Variants in CFTR observed in about 807,000 individuals in gnomAD.
CFTR encodes CF transmembrane conductance regulator.
A neutral mutation model predicts 171.6 loss-of-function variants in CFTR; 181 were observed. The ratio of observed to expected loss-of-function variants is 1.05; its 90% confidence interval spans 0.93 to 1.19. The LOEUF is 1.19. CFTR is among the 50% of genes most tolerant of loss of function. The pLI, the probability that CFTR is intolerant of heterozygous loss-of-function variation, is 0.00. For synonymous variants in CFTR, 583 were observed against 608.0 expected (o/e 0.96, Z 0.60); for missense variants, 1,968 against 1,734.7 (o/e 1.13, Z -2.39).
chr7:117,518,496 G>C (rs763742087), intron 3 of CFTR, among the ~76,000 whole-genome samples: 7 of 146,656 alleles, frequency 4.8e-5, no homozygotes, highest in Admixed American at 2.1e-4. Flanking sequence ...TAAATATATA[G>C]AGCAATAATA....
chr7:117,580,431 A>G (rs1791833104), intron 11 of CFTR, among the ~76,000 whole-genome samples: 1 of 152,072 alleles, frequency 6.6e-6, no homozygotes. Context: ...GCTAATATAA[A>G]TATAATTCTT....
chr7:117,590,736 T>C (rs1222432037), intron 13 of CFTR, among the ~76,000 whole-genome samples: 1 of 152,104 alleles, frequency 6.6e-6, no homozygotes, highest in Non-Finnish European at 1.5e-5. Context: ...TGATATATAT[T>C]ACTTTAATTA....
intron 3 of CFTR, among the ~76,000 whole-genome samples, chr7:117,510,454 G>T (rs570781033): frequency 6.6e-6 from 1 of 152,172 alleles, no homozygotes; most frequent in South Asian, 2.1e-4. Context: ...ATAAGTGATT[G>T]TTGGATTGAA....
Position 117,592,383 on chromosome 7 carries a change from T to G in CFTR, c.2216T>G (p.Val739Gly). The change falls in exon 14 of 27, where the codon GTA becomes GGA. Residue 739 changes from valine to glycine, a missense_variant. Coordinates refer to ENST00000003084, the MANE Select transcript of CFTR (RefSeq NM_000492.4). Reference protein sequence around the residue: ...DEPLERRLSLVPDSEQGEAIL... With the variant: ...DEPLERRLSLGPDSEQGEAIL... ...CCTTTAGAGAGAAGGCTGTCCTTAG[T>G]ACCAGATTCTGAGCAGGGAGAGGCG... 6.2e-7 allele frequency: 1 copy of G among 1,614,144 alleles called. No individual in the cohort carries two copies. Among genetic ancestry groups the G allele is most frequent in the Non-Finnish European group, 8.5e-7 (1 of 1,179,996 alleles).
chr7:117,504,928 A>AT (rs2116636027), intron 2 of CFTR, among the ~76,000 whole-genome samples: 1 of 152,290 alleles, frequency 6.6e-6, no homozygotes, highest in African/African-American at 2.4e-5. Context: ...CATGAGATGG[A>AT]TTTTGTGAAA....
At chr7:117,565,271 T>A (rs936499782) in intron 11 of CFTR, among the ~76,000 whole-genome samples, 2 of 152,204 alleles carry the variant, frequency 1.3e-5, no homozygotes, top group African/African-American at 4.8e-5. Flanking sequence ...AATTTACTTA[T>A]CCCTTATGAG....
intron 25 of CFTR, 31 bp downstream of exon 25, chr7:117,664,891 C>T: frequency 6.2e-7 from 1 of 1,605,054 alleles, no homozygotes; most frequent in Non-Finnish European, 8.5e-7. Flanking sequence ...TACTTAATAG[C>T]ACAGTGGGAA....
chr7:117,509,987 G>A (rs535907638), intron 3 of CFTR, among the ~76,000 whole-genome samples: 13 of 152,088 alleles, frequency 8.5e-5, no homozygotes, highest in Non-Finnish European at 1.2e-4. Flanking sequence ...AATGCCATTT[G>A]TGTTACATTG....
intron 3 of CFTR, among the ~76,000 whole-genome samples, chr7:117,516,879 G>C (rs1490072209): frequency 6.6e-6 from 1 of 152,048 alleles, no homozygotes; most frequent in Non-Finnish European, 1.5e-5. Context: ...TTTTGGGTAG[G>C]TTACTTAAAT....
rs78194216 is a variant in CFTR at position 117,611,637 on chromosome 7, C to T, written c.3196C>T (p.Arg1066Cys). The change falls in exon 20 of 27, where the codon CGT (arginine) becomes TGT (cysteine). Residue 1066 changes from arginine to cysteine, a missense_variant. Physicochemically the swap from Arg to Cys is radical, Grantham distance 180 (BLOSUM62 -3). Coordinates refer to ENST00000003084, the MANE Select transcript of CFTR (RefSeq NM_000492.4). ...VTSLKGLWTL[R>C]AFGRQPYFET... ...AAGCTTAAAAGGACTATGGACACTT[C>T]GTGCCTTCGGACGGCAGCCTTACTT... is the stretch of plus-strand genomic sequence containing the variant. The T allele has an allele frequency of 2.2e-5, 35 of 1,613,374 alleles. No homozygotes were observed. Among genetic ancestry groups the T allele is most frequent in the Admixed American group, 1.8e-4 (11 of 59,868 alleles).
chr7:117,564,526 A>G (rs982137209), intron 11 of CFTR: 4 of 161,178 alleles, frequency 2.5e-5, no homozygotes, highest in African/African-American at 9.7e-5. Flanking sequence ...AGAATCCTTG[A>G]TGGTTAAGCA....
chr7:117,611,431 A>G (rs374395411), intron 19 of CFTR, 150 bp from the exon 20 acceptor site: 39 of 643,870 alleles, frequency 6.1e-5, no homozygotes, highest in Admixed American at 2.5e-4. Flanking sequence ...TATCTATTCA[A>G]AGAATGGCAC....
intron 11 of CFTR, 67 bp from the exon 12 acceptor site, chr7:117,587,672 A>C (rs528498285): frequency 4.5e-6 from 4 of 898,644 alleles, no homozygotes; most frequent in South Asian, 3.9e-5. Flanking sequence ...TAGAAGGAAG[A>C]TGTGCCTTTC....
Position 117,652,931 on chromosome 7 carries a change from G to A in CFTR, c.3963G>A (p.Glu1321=). ...SDQEIWKVAD[E]VGLRSVIEQF... is the part of the protein sequence containing the mutation. Reference sequence around the variant, plus strand: ...AAGAAATATGGAAAGTTGCAGATGAGGTAAGGCTGCTAACTGAAATGATTT... The same window carrying A: ...AAGAAATATGGAAAGTTGCAGATGAAGTAAGGCTGCTAACTGAAATGATTT... Residue 1321 remains glutamate, a splice_region_variant and synonymous_variant, in exon 24 of 27, where the codon GAG becomes GAA. Transcript: ENST00000003084. 1.9e-6 allele frequency: 3 copies of A among 1,580,302 alleles called. No individual in the cohort carries two copies. In the Admixed American group the frequency reaches 5.0e-5, roughly 26 times the overall value.
intron 1 of CFTR, among the ~76,000 whole-genome samples, chr7:117,490,714 G>A (rs1214289187): frequency 2.0e-5 from 3 of 152,024 alleles, no homozygotes; most frequent in Admixed American, 6.6e-5. Context: ...GACATAGGGC[G>A]TCTTTAATAA....
intron 25 of CFTR, 55 bp downstream of exon 25, chr7:117,664,915 C>G: frequency 6.4e-7 from 1 of 1,554,952 alleles, no homozygotes. Flanking sequence ...AATCATTATG[C>G]CTGCTTCATG....
At chr7:117,486,060 A>G (rs1798069355) in intron 1 of CFTR, among the ~76,000 whole-genome samples, 1 of 152,136 alleles carries the variant, frequency 6.6e-6, no homozygotes, top group Admixed American at 6.6e-5. Context: ...GCTTAGAACA[A>G]TTATTCCATC....
In CFTR at chr7:117,536,650, A is replaced by T. The variant is rs142864834; in HGVS notation, c.846A>T (p.Glu282Asp). 3.8e-5 allele frequency: 61 copies of T among 1,611,774 alleles called. No homozygotes were observed. The African/African-American group carries it at 6.9e-4, about 18-fold the overall frequency. The change falls in exon 7 of 27, where the codon GAA (glutamate) becomes GAT (aspartate). Residue 282 changes from glutamate (E) to aspartate (D), a missense_variant. By Grantham distance (45) the Glu-to-Asp change is conservative. Transcript: ENST00000003084. ...VKAYCWEEAM[E>D]KMIENLRQTE... ...CATACTGCTGGGAAGAAGCAATGGA[A>T]AAAATGATTGAAAACTTAAGACAGT...
chr7:117,608,841 C>A (rs1219492393), intron 18 of CFTR, among the ~76,000 whole-genome samples: 1 of 151,778 alleles, frequency 6.6e-6, no homozygotes, highest in Non-Finnish European at 1.5e-5. Context: ...TATAAATTTT[C>A]TTTTTTTAAA....
Sources: allele counts gnomAD v4.1 joint callset (sites outside exome capture counted in the v4.1 genomes callset), GRCh38; gene constraint gnomAD v4.1.1; transcripts MANE v1.5; gene names NCBI Gene and HGNC (gene_info 2026-07-23, HGNC 2026-07-21).